The following LRRC4C variants were observed in gnomAD, a reference collection of about 807,000 sequenced individuals.
The protein encoded by LRRC4C is leucine rich repeat containing 4C, also known as leucine-rich repeat-containing protein 4C.
In LRRC4C, 5 loss-of-function variants were observed where a neutral mutation model predicts 33.6. That is an observed-to-expected ratio of 0.15 (90% CI 0.08 to 0.31). LRRC4C has a LOEUF of 0.31. Ranked by LOEUF, LRRC4C falls within the 10% of genes least tolerant of loss-of-function variation. The pLI is 1.00. For synonymous variants in LRRC4C, 329 were observed against 302.0 expected (o/e 1.09, Z -0.93); for missense variants, 560 against 796.7 (o/e 0.70, Z 3.58).
chr11:41,283,046 CA>C (rs1181285682), intron 1 of LRRC4C, among the ~76,000 whole-genome samples: 3 of 152,124 alleles, frequency 2.0e-5, no homozygotes, highest in African/African-American at 7.2e-5. Flanking sequence ...AATGGTTTAT[CA>C]TCTTTAGCTA....
intron 5 of LRRC4C, among the ~76,000 whole-genome samples, chr11:40,150,686 C>A (rs1766494453): frequency 1.3e-5 from 2 of 152,248 alleles, no homozygotes; most frequent in South Asian, 4.1e-4. Flanking sequence ...CTCAAGAAAT[C>A]CTCTTGCCTC....
intron 3 of LRRC4C, among the ~76,000 whole-genome samples, chr11:40,384,731 A>T (rs1373888979): frequency 6.6e-6 from 1 of 152,060 alleles, no homozygotes; most frequent in Admixed American, 6.6e-5. Context: ...GGTATTCTCC[A>T]CCTTTCTTTT....
At chr11:40,973,599 A>C (rs1851884669) in intron 1 of LRRC4C, among the ~76,000 whole-genome samples, 1 of 152,148 alleles carries the variant, frequency 6.6e-6, no homozygotes, top group Non-Finnish European at 1.5e-5. Flanking sequence ...ATAATATGGC[A>C]AAGTAAGCTA....
In LRRC4C at chr11:40,930,152, G is replaced by T. The variant is rs1033014050; in HGVS notation, c.-407+3483C>A. Among the ~76,000 whole-genome samples the T allele has an allele frequency of 5.3e-5, 8 of 152,302 alleles. No individual in the cohort carries two copies. The East Asian group carries it at 1.5e-3, about 29-fold the overall frequency. On this transcript the variant is annotated intron_variant, in intron 2 of 6. Coordinates refer to ENST00000528697, the MANE Select transcript of LRRC4C (RefSeq NM_001258419.2). ...ACTTCTAGTCCAGAAGGTAGTAGGG[G>T]AGGAAGCTGTTCAGGTAAGCAGTGT...
At chr11:40,497,294 C>T (rs1954514019) in intron 3 of LRRC4C, among the ~76,000 whole-genome samples, 1 of 151,984 alleles carries the variant, frequency 6.6e-6, no homozygotes, top group Non-Finnish European at 1.5e-5. Flanking sequence ...TTCCCAGCTA[C>T]TTCGGAGGCT....
chr11:41,076,983 A>C (rs938326153), intron 1 of LRRC4C, among the ~76,000 whole-genome samples: 5 of 152,198 alleles, frequency 3.3e-5, no homozygotes, highest in African/African-American at 9.6e-5. Flanking sequence ...GTCCAAAACC[A>C]GGCCGGGCAG....
At chr11:40,689,850 A>G (rs1194788781) in intron 2 of LRRC4C, among the ~76,000 whole-genome samples, 1 of 152,238 alleles carries the variant, frequency 6.6e-6, no homozygotes, top group Non-Finnish European at 1.5e-5. Context: ...ACCATATTTA[A>G]CAAGGTTCTG....
At chr11:41,375,768 T>C (rs994488691) in intron 1 of LRRC4C, among the ~76,000 whole-genome samples, 6 of 152,126 alleles carry the variant, frequency 3.9e-5, no homozygotes, top group African/African-American at 7.2e-5. Context: ...TGCTTGTCTA[T>C]AGTATCTTGA....
At chr11:40,840,614 T>G (rs1451038013) in intron 2 of LRRC4C, among the ~76,000 whole-genome samples, 1 of 152,194 alleles carries the variant, frequency 6.6e-6, no homozygotes. Context: ...TACATCACTG[T>G]TATGGTTTCC....
chr11:40,983,133 A>T (rs1002756541), intron 1 of LRRC4C, among the ~76,000 whole-genome samples: 2 of 152,198 alleles, frequency 1.3e-5, no homozygotes, highest in African/African-American at 4.8e-5. Flanking sequence ...TGTAATGGAC[A>T]AAAGCATACA....
chr11:41,300,324 T>C (rs1255761083), intron 1 of LRRC4C, among the ~76,000 whole-genome samples: 2 of 152,198 alleles, frequency 1.3e-5, no homozygotes, highest in Admixed American at 6.5e-5. Flanking sequence ...CTCCAAAATA[T>C]TAAGTGACTT....
intron 5 of LRRC4C, among the ~76,000 whole-genome samples, chr11:40,230,155 G>C (rs1180629457): frequency 6.6e-6 from 1 of 152,200 alleles, no homozygotes; most frequent in Non-Finnish European, 1.5e-5. Context: ...TTCAGCAAAT[G>C]CTCAATGTGG....
intron 3 of LRRC4C, among the ~76,000 whole-genome samples, chr11:40,620,229 C>T (rs371644404): frequency 6.6e-6 from 1 of 151,496 alleles, no homozygotes; most frequent in Non-Finnish European, 1.5e-5. Context: ...TGCTTTCCAT[C>T]CCATTATATG....
chr11:40,366,671 A>G (rs1948221495), intron 3 of LRRC4C, among the ~76,000 whole-genome samples: 1 of 152,068 alleles, frequency 6.6e-6, no homozygotes, highest in Non-Finnish European at 1.5e-5. Flanking sequence ...ACAAACACAT[A>G]TATGGCATTT....
chr11:41,403,662 C>T (rs1954109603), intron 1 of LRRC4C, among the ~76,000 whole-genome samples: 1 of 152,072 alleles, frequency 6.6e-6, no homozygotes, highest in African/African-American at 2.4e-5. Flanking sequence ...TGGCTCTTCC[C>T]TGAGGGTGCT....
chr11:40,937,133 A>G (rs960087422), intron 1 of LRRC4C, among the ~76,000 whole-genome samples: 1 of 152,204 alleles, frequency 6.6e-6, no homozygotes, highest in Admixed American at 6.5e-5. Flanking sequence ...TTATGCAACC[A>G]TAAAAATAGA....
chr11:40,234,376 G>A (rs574035282), intron 5 of LRRC4C, among the ~76,000 whole-genome samples: 2 of 152,168 alleles, frequency 1.3e-5, no homozygotes, highest in East Asian at 1.9e-4. Flanking sequence ...TCAAAACCCC[G>A]AGCCCCAGAT....
intron 3 of LRRC4C, among the ~76,000 whole-genome samples, chr11:40,525,613 A>G (rs1434597872): frequency 6.6e-6 from 1 of 152,220 alleles, no homozygotes; most frequent in Non-Finnish European, 1.5e-5. Flanking sequence ...AAACCTAAAT[A>G]AATGGAGGAA....
At chr11:41,038,713 A>G (rs772078927) in intron 1 of LRRC4C, among the ~76,000 whole-genome samples, 94 of 152,202 alleles carry the variant, frequency 6.2e-4, no homozygotes, top group Non-Finnish European at 1.2e-3. Flanking sequence ...TTACTTATAT[A>G]AACTAGAAAC....
Sources: allele counts gnomAD v4.1 joint callset (sites outside exome capture counted in the v4.1 genomes callset), GRCh38; gene constraint gnomAD v4.1.1; transcripts MANE v1.5; gene names NCBI Gene and HGNC (gene_info 2026-07-23, HGNC 2026-07-21).